FYB1: variants seen among roughly 807,000 people sequenced by gnomAD.
FYB1 encodes the protein FYN-binding protein 1.
A neutral mutation model predicts 94.1 loss-of-function variants in FYB1; 41 were observed. The ratio of observed to expected loss-of-function variants is 0.44; its 90% confidence interval spans 0.34 to 0.57. FYB1 has a LOEUF of 0.57. FYB1 is among the 20% of genes least tolerant of loss of function. The pLI, the probability that FYB1 is intolerant of heterozygous loss-of-function variation, is 0.02. For synonymous variants in FYB1, 367 were observed against 353.2 expected (o/e 1.04, Z -0.44); for missense variants, 1,050 against 976.8 (o/e 1.07, Z -1.00).
chr5:39,119,608 T>G lies in FYB1; in HGVS notation c.2165A>C (p.Lys722Thr). ...MSQGTNVGKA[K>T]TEEKDLKKLK... ...CTTCTTAAGGTCCTTTTCTTCTGTCTTAGCTTTTCCAACATTAGTTCCTTG... is the reference window on the plus strand; with the variant it reads ...CTTCTTAAGGTCCTTTTCTTCTGTCGTAGCTTTTCCAACATTAGTTCCTTG... Residue 722 changes from lysine (K) to threonine (T), a missense_variant, in exon 15 of 19, where the codon AAG becomes ACG. Lys to Thr is a moderately conservative substitution (Grantham distance 78). Coordinates refer to ENST00000512982, the MANE Select transcript of FYB1 (RefSeq NM_001465.6). 1.3e-6 allele frequency: 2 copies of G among 1,546,860 alleles called. No individual in the cohort carries two copies. The highest frequency in any genetic ancestry group is 1.7e-6 in the Non-Finnish European group (2 of 1,145,892).
chr5:39,112,221 GATAGTA>G (rs1165724291), intron 16 of FYB1, among the ~76,000 whole-genome samples: 1 of 151,986 alleles, frequency 6.6e-6, no homozygotes, highest in Non-Finnish European at 1.5e-5. Context: ...GTTTTCTACA[GATAGTA>G]ATAGTCATTG....
intron 12 of FYB1, among the ~76,000 whole-genome samples, chr5:39,125,279 C>A (rs1366641): frequency 6.6e-6 from 1 of 151,670 alleles, no homozygotes; most frequent in Non-Finnish European, 1.5e-5. Context: ...AATTCATGAG[C>A]TAAATATAAA....
In FYB1 at chr5:39,126,106, T is replaced by A; in HGVS notation, c.1937A>T (p.Asn646Ile). The A allele has an allele frequency of 1.9e-6, 3 of 1,613,546 alleles. No individual in the cohort carries two copies. The highest frequency in any genetic ancestry group is 2.5e-6 in the Non-Finnish European group (3 of 1,179,636). The change falls in exon 12 of 19, where the codon AAT becomes ATT. Residue 646 changes from asparagine to isoleucine, a missense_variant. Coordinates refer to ENST00000512982, the MANE Select transcript of FYB1 (RefSeq NM_001465.6). ...GSTLQVQEKS[N>I]TWSWGILKML... Reference sequence around the variant, plus strand: ...CTTCAAAATCCCCCAGGACCACGTATTACTCTTCTCTTGAACCTGTAGTGT... The same window carrying A: ...CTTCAAAATCCCCCAGGACCACGTAATACTCTTCTCTTGAACCTGTAGTGT...
Position 39,270,563 on chromosome 5 carries a change from A to G in FYB1, c.-28+3840T>C, listed in dbSNP as rs1366800688. On this transcript the variant is annotated intron_variant, in intron 1 of 1. Coordinates refer to the FYB1 transcript ENST00000510188. The stretch of plus-strand genomic sequence containing the variant: ...ACCAAGGAGAGTTATAAAATCTATT[A>G]CTTACCATTTTTATTGAAAAGAGTT... 3 of 1,534,814 alleles carry G rather than the reference A, an allele frequency of 2.0e-6. No individual in the cohort carries two copies. The South Asian group carries it at 3.6e-5, about 18-fold the overall frequency.
At chr5:39,131,162 G>A (rs1741171797) in intron 9 of FYB1, among the ~76,000 whole-genome samples, 1 of 151,980 alleles carries the variant, frequency 6.6e-6, no homozygotes, top group African/African-American at 2.4e-5. Flanking sequence ...GATTGCCTGT[G>A]TTTCTTACTT....
At chr5:39,158,058 G>C (rs979332161) in intron 2 of FYB1, among the ~76,000 whole-genome samples, 1 of 152,176 alleles carries the variant, frequency 6.6e-6, no homozygotes, top group Admixed American at 6.5e-5. Flanking sequence ...AGGAAAATTG[G>C]TTGTATTTAT....
chr5:39,137,279 G>A, intron 7 of FYB1: 1 of 238,518 alleles, frequency 4.2e-6, no homozygotes, highest in Non-Finnish European at 8.2e-6. Flanking sequence ...CTAATTCATA[G>A]TATAAGTAGG....
chr5:39,132,968 A>G (rs1335348156), intron 9 of FYB1, among the ~76,000 whole-genome samples: 1 of 152,240 alleles, frequency 6.6e-6, no homozygotes, highest in Non-Finnish European at 1.5e-5. Flanking sequence ...ATGATCTCCA[A>G]ACTCTAGTGC....
chr5:39,176,031 T>A (rs1406158730), intron 2 of FYB1, among the ~76,000 whole-genome samples: 1 of 151,522 alleles, frequency 6.6e-6, no homozygotes, highest in Non-Finnish European at 1.5e-5. Flanking sequence ...AGATCAGCTC[T>A]CCTCAAATAC....
At chr5:39,227,367 T>C (rs1452661184) in intron 1 of FYB1, among the ~76,000 whole-genome samples, 1 of 152,190 alleles carries the variant, frequency 6.6e-6, no homozygotes, top group Non-Finnish European at 1.5e-5. Flanking sequence ...CCAATAGTAT[T>C]ATGGTTAAAC....
intron 1 of FYB1, among the ~76,000 whole-genome samples, chr5:39,240,300 A>T (rs1182046266): frequency 6.6e-6 from 1 of 152,258 alleles, no homozygotes; most frequent in Non-Finnish European, 1.5e-5. Flanking sequence ...AAGCAACTGC[A>T]ATAAAACCAA....
At chr5:39,241,833 T>C (rs1218334859) in intron 1 of FYB1, among the ~76,000 whole-genome samples, 1 of 110,902 alleles carries the variant, frequency 9.0e-6, no homozygotes, top group East Asian at 4.0e-4. Flanking sequence ...TTAAGCTCTT[T>C]TTTTTTTTTT....
chr5:39,199,249 A>C (rs941275385), intron 2 of FYB1, among the ~76,000 whole-genome samples: 2 of 152,140 alleles, frequency 1.3e-5, no homozygotes, highest in Non-Finnish European at 2.9e-5. Context: ...GTTATATAAA[A>C]TGAACATATA....
At chr5:39,179,291 A>C (rs995376741) in intron 2 of FYB1, among the ~76,000 whole-genome samples, 18 of 152,194 alleles carry the variant, frequency 1.2e-4, no homozygotes, top group African/African-American at 4.3e-4. Flanking sequence ...GCTTGCTAAC[A>C]TGACCACTGT....
At chr5:39,169,396 T>A (rs1745041286) in intron 2 of FYB1, 1 of 755,502 alleles carries the variant, frequency 1.3e-6, no homozygotes, top group Non-Finnish European at 2.5e-6. Context: ...TTTCCGTACA[T>A]TCCTGCCAGA....
At chr5:39,255,010 A>T (rs1444364062) in intron 1 of FYB1, among the ~76,000 whole-genome samples, 3 of 152,134 alleles carry the variant, frequency 2.0e-5, no homozygotes, top group African/African-American at 7.2e-5. Context: ...AAAAATATTT[A>T]TTGAAGTGTT....
intron 2 of FYB1, among the ~76,000 whole-genome samples, chr5:39,163,355 GT>G (rs373612433): frequency 5.9e-5 from 9 of 152,264 alleles, no homozygotes; most frequent in African/African-American, 2.2e-4. Context: ...GGAAAGAAAA[GT>G]AATACTGAAA....
At chr5:39,247,093 T>C (rs1294310113) in intron 1 of FYB1, among the ~76,000 whole-genome samples, 3 of 138,748 alleles carry the variant, frequency 2.2e-5, no homozygotes, top group Non-Finnish European at 3.1e-5. Context: ...TATATATATA[T>C]ATATATATAT....
At chr5:39,225,072 C>T (rs1230579870) in intron 1 of FYB1, among the ~76,000 whole-genome samples, 2 of 152,208 alleles carry the variant, frequency 1.3e-5, no homozygotes, top group Non-Finnish European at 2.9e-5. Context: ...ACAGTGTCTG[C>T]TTCCCCACTT....
Sources: allele counts gnomAD v4.1 joint callset (sites outside exome capture counted in the v4.1 genomes callset), GRCh38; gene constraint gnomAD v4.1.1; transcripts MANE v1.5; gene names NCBI Gene and HGNC (gene_info 2026-07-23, HGNC 2026-07-21).